The following KLRG1 variants were observed in gnomAD, a reference collection of about 807,000 sequenced individuals.
The protein encoded by KLRG1 is killer cell lectin-like receptor subfamily G member 1.
Under a neutral mutation model 21.8 loss-of-function variants are expected in KLRG1, and 16 were observed. The observed-to-expected ratio is 0.73, with a 90% CI of 0.50 to 1.11. The LOEUF (loss-of-function observed/expected upper bound fraction) is 1.11. KLRG1 is among the 50% of genes most tolerant of loss of function. KLRG1 has a pLI of 0.00. For missense variants in KLRG1, 173 were observed against 218.3 expected (o/e 0.79, Z 1.31); for synonymous variants, 69 against 75.9 (o/e 0.91, Z 0.47).
intron 1 of KLRG1, among the ~76,000 whole-genome samples, chr12:8,969,760 C>A (rs1565538511): frequency 6.6e-6 from 1 of 152,048 alleles, no homozygotes; most frequent in Non-Finnish European, 1.5e-5. Context: ...AGAGGAAAGG[C>A]ACACATTTCC....
the KLRG1 span, chr12:9,204,069 C>T: frequency 1.9e-6 from 2 of 1,040,248 alleles, no homozygotes; most frequent in Non-Finnish European, 2.8e-6. Flanking sequence ...TTCTAAAAGT[C>T]AATGGACTAA....
the KLRG1 span, chr12:9,197,182 C>A: frequency 2.7e-5 from 30 of 1,128,142 alleles, no homozygotes; most frequent in East Asian, 2.6e-4. Context: ...TCCACTACCA[C>A]TCCTCCACAG....
the KLRG1 span, among the ~76,000 whole-genome samples, chr12:9,172,662 A>G: frequency 6.6e-6 from 1 of 152,046 alleles, no homozygotes; most frequent in Non-Finnish European, 1.5e-5. Context: ...CAAATGGAAA[A>G]CAGAAAAAAG....
At chr12:9,181,235 A>C in the KLRG1 span, 1 of 1,395,728 alleles carries the variant, frequency 7.2e-7, no homozygotes, top group South Asian at 1.3e-5. Context: ...TCATATGACT[A>C]TGTTGGTAAT....
intron 1 of KLRG1, among the ~76,000 whole-genome samples, chr12:8,981,020 C>T (rs1592254277): frequency 6.6e-6 from 1 of 152,192 alleles, no homozygotes. Flanking sequence ...CTCAGTTTTT[C>T]TGTTTCACTG....
the KLRG1 span, chr12:9,079,498 A>T: frequency 9.6e-7 from 1 of 1,042,074 alleles, no homozygotes; most frequent in Non-Finnish European, 1.4e-6. Flanking sequence ...GAGAGTGGAT[A>T]GTTTCCTTGA....
chr12:9,030,555 C>T, the KLRG1 span, among the ~76,000 whole-genome samples: 34 of 152,046 alleles, frequency 2.2e-4, no homozygotes, highest in Admixed American at 2.2e-3. Flanking sequence ...TACAGCAGCC[C>T]ACCACCACAC....
the KLRG1 span, among the ~76,000 whole-genome samples, chr12:9,176,813 G>C: frequency 6.6e-6 from 1 of 152,260 alleles, no homozygotes; most frequent in African/African-American, 2.4e-5. Context: ...TTCCACCATT[G>C]CATGTTAAGT....
the KLRG1 span, among the ~76,000 whole-genome samples, chr12:9,177,707 T>C: frequency 6.6e-6 from 1 of 152,258 alleles, no homozygotes; most frequent in African/African-American, 2.4e-5. Flanking sequence ...CTTAAACGTT[T>C]CTATAACTTT....
At chr12:8,983,006 T>A (rs768789749) in intron 1 of KLRG1, among the ~76,000 whole-genome samples, 3 of 152,346 alleles carry the variant, frequency 2.0e-5, no homozygotes, top group Non-Finnish European at 4.4e-5. Flanking sequence ...TTGTGCCATT[T>A]ATTTGGTGCA....
the KLRG1 span, among the ~76,000 whole-genome samples, chr12:9,018,431 A>G: frequency 1.3e-5 from 2 of 152,194 alleles, no homozygotes; most frequent in Non-Finnish European, 2.9e-5. Flanking sequence ...AAACAGATAC[A>G]TAGACCAATG....
the KLRG1 span, chr12:9,067,455 T>G: frequency 3.4e-6 from 1 of 293,636 alleles, no homozygotes; most frequent in Non-Finnish European, 6.5e-6. Context: ...CTCATAAAAA[T>G]TCACCCTTTG....
the KLRG1 span, among the ~76,000 whole-genome samples, chr12:9,075,446 T>TA: frequency 6.6e-6 from 1 of 151,722 alleles, no homozygotes; most frequent in East Asian, 1.9e-4. Flanking sequence ...TAGCAAAACA[T>TA]AAAAAAAATC....
At chr12:9,099,889 C>T in the KLRG1 span, among the ~76,000 whole-genome samples, 1 of 152,184 alleles carries the variant, frequency 6.6e-6, no homozygotes, top group Non-Finnish European at 1.5e-5. Flanking sequence ...GCTCTTTAAC[C>T]TTCTATGAGC....
intron 1 of KLRG1, among the ~76,000 whole-genome samples, chr12:8,960,105 C>T (rs1026158226): frequency 1.3e-5 from 2 of 152,134 alleles, no homozygotes; most frequent in Non-Finnish European, 2.9e-5. Flanking sequence ...CAACAGGTAA[C>T]ACAAGACAGT....
At chr12:9,034,196 T>TA in the KLRG1 span, among the ~76,000 whole-genome samples, 1 of 152,234 alleles carries the variant, frequency 6.6e-6, no homozygotes, top group East Asian at 1.9e-4. Flanking sequence ...ATGCCGTAAT[T>TA]ATATCCATAA....
intron 1 of KLRG1, among the ~76,000 whole-genome samples, chr12:8,961,229 C>T (rs1339739317): frequency 1.3e-5 from 2 of 152,090 alleles, no homozygotes; most frequent in African/African-American, 2.4e-5. Context: ...TGTCCTTTGC[C>T]TTTGAGCCAG....
the KLRG1 span, chr12:9,192,301 G>T: frequency 1.3e-6 from 2 of 1,571,070 alleles, no homozygotes; most frequent in East Asian, 2.2e-5. Flanking sequence ...GCTGGACACA[G>T]TTCTCAGCCT....
At chr12:9,061,670 T>C in the KLRG1 span, among the ~76,000 whole-genome samples, 10 of 152,124 alleles carry the variant, frequency 6.6e-5, no homozygotes, top group Admixed American at 2.6e-4. Flanking sequence ...ATAAATAAGA[T>C]GAAAAAGAAG....
Sources: allele counts gnomAD v4.1 joint callset (sites outside exome capture counted in the v4.1 genomes callset), GRCh38; gene constraint gnomAD v4.1.1; transcripts MANE v1.5; gene names NCBI Gene and HGNC (gene_info 2026-07-23, HGNC 2026-07-21).